PBRM1: variants seen among roughly 807,000 people sequenced by gnomAD.
The protein encoded by PBRM1 is polybromo 1, also known as protein polybromo-1.
Under a neutral mutation model 194.5 loss-of-function variants are expected in PBRM1, and 27 were observed. That is an observed-to-expected ratio of 0.14 (90% confidence interval 0.10 to 0.19). The LOEUF is 0.19. Ranked by LOEUF, PBRM1 falls within the 10% of genes least tolerant of loss-of-function variation. The pLI, the probability that PBRM1 is intolerant of heterozygous loss-of-function variation, is 1.00. For missense variants in PBRM1, 1,466 were observed against 2,077.2 expected, an observed-to-expected ratio of 0.71 and a Z score of 5.72; for synonymous variants, 655 against 693.2, an observed-to-expected ratio of 0.94 and a Z score of 0.87.
intron 13 of PBRM1, among the ~76,000 whole-genome samples, chr3:52,626,905 CCTT>C (rs1560496641): frequency 6.6e-6 from 1 of 152,030 alleles, no homozygotes; most frequent in African/African-American, 2.4e-5. Context: ...TCAAATTTCT[CCTT>C]ACCTTTCCTA....
intron 26 of PBRM1, 126 bp downstream of exon 28, chr3:52,558,123 G>A: frequency 1.5e-6 from 1 of 672,438 alleles, no homozygotes; most frequent in Non-Finnish European, 2.4e-6. Context: ...GGACAACATG[G>A]ATGACTTCAA....
At chr3:52,669,936 G>GA (rs2096913994) in intron 2 of PBRM1, among the ~76,000 whole-genome samples, 1 of 152,158 alleles carries the variant, frequency 6.6e-6, no homozygotes, top group Non-Finnish European at 1.5e-5. Context: ...TCAGAATATT[G>GA]AGAAATCAGA....
chr3:52,613,261 G>T (rs967630156), intron 15 of PBRM1, among the ~76,000 whole-genome samples: 9 of 152,142 alleles, frequency 5.9e-5, no homozygotes, highest in African/African-American at 2.2e-4. Context: ...AAGAAAAAGG[G>T]GATAGGAAAT....
intron 13 of PBRM1, among the ~76,000 whole-genome samples, chr3:52,619,516 C>G (rs2095163547): frequency 6.6e-6 from 1 of 152,036 alleles, no homozygotes; most frequent in Non-Finnish European, 1.5e-5. Flanking sequence ...TTTTTTCTAT[C>G]CATAGTTGGT....
At chr3:52,551,420 A>G (rs1411422541) in intron 27 of PBRM1, among the ~76,000 whole-genome samples, 3 of 152,220 alleles carry the variant, frequency 2.0e-5, no homozygotes, top group Non-Finnish European at 4.4e-5. Context: ...AATCATCTGA[A>G]GTGAAGTAAC....
At chr3:52,618,273 G>C (rs1368260966) in intron 13 of PBRM1, among the ~76,000 whole-genome samples, 2 of 152,198 alleles carry the variant, frequency 1.3e-5, no homozygotes, top group Non-Finnish European at 1.5e-5. Context: ...CTGAGAAGCT[G>C]ATTTAAGCAG....
At chr3:52,646,162 A>G (rs1355653981) in intron 7 of PBRM1, among the ~76,000 whole-genome samples, 2 of 152,218 alleles carry the variant, frequency 1.3e-5, no homozygotes, top group Non-Finnish European at 2.9e-5. Flanking sequence ...GAATACAAGG[A>G]CTTCATAGTT....
chr3:52,639,140 A>G (rs2095962328), intron 10 of PBRM1, among the ~76,000 whole-genome samples: 1 of 151,738 alleles, frequency 6.6e-6, no homozygotes, highest in African/African-American at 2.4e-5. Flanking sequence ...ATGTGCCACT[A>G]TATGTATTTA....
At chr3:52,648,843 G>T (rs1405422668) in intron 6 of PBRM1, among the ~76,000 whole-genome samples, 1 of 152,158 alleles carries the variant, frequency 6.6e-6, no homozygotes, top group Non-Finnish European at 1.5e-5. Context: ...TGAACCACTT[G>T]GGGTAAAATA....
At chr3:52,593,710 T>C (rs1274723152) in intron 17 of PBRM1, among the ~76,000 whole-genome samples, 3 of 152,182 alleles carry the variant, frequency 2.0e-5, no homozygotes, top group Non-Finnish European at 2.9e-5. Context: ...CAGGAGTAGG[T>C]TGGTTAATTT....
chr3:52,644,478 G>A lies in PBRM1; in HGVS notation c.899+226C>T, dbSNP rs13086297. The stretch of plus-strand genomic sequence containing the variant: ...CAGCTCACTGTAACCTCTGCCTCCC[G>A]GGTTCAAGCAATTCTCCTGCCTCAG... On this transcript the variant is annotated intron_variant, in intron 8 of 29. Transcript: ENST00000296302. Among the ~76,000 whole-genome samples the A allele has an allele frequency of 0.34, 51,969 of 151,756 alleles. 9,900 individuals carry two copies. The highest frequency in any genetic ancestry group is 0.46 in the Admixed American group (7,049 of 15,248).
exon 18 of PBRM1, chr3:52,589,116 T>C (rs2092757085): frequency 5.0e-6 from 8 of 1,613,756 alleles, no homozygotes; most frequent in Non-Finnish European, 5.1e-6. Context: ...TATGTGGTTG[T>C]AGGTTGGCCT....
At chr3:52,631,984 T>G (rs1419338436) in intron 11 of PBRM1, among the ~76,000 whole-genome samples, 1 of 152,216 alleles carries the variant, frequency 6.6e-6, no homozygotes, top group African/African-American at 2.4e-5. Context: ...TTAAAGATAT[T>G]TATTCTTTTG....
intron 20 of PBRM1, among the ~76,000 whole-genome samples, chr3:52,581,007 C>T (rs911186994): frequency 6.6e-6 from 1 of 152,318 alleles, no homozygotes; most frequent in East Asian, 1.9e-4. Flanking sequence ...ATAATCGGCA[C>T]AAGGCTAGAT....
intron 17 of PBRM1, among the ~76,000 whole-genome samples, chr3:52,603,320 A>T (rs1278944602): frequency 6.6e-6 from 1 of 152,244 alleles, no homozygotes; most frequent in African/African-American, 2.4e-5. Context: ...CAGCTGTGTC[A>T]CAGGTAACTT....
rs758136673 is a variant in PBRM1, at chr3:52,550,727, A to G, written c.4680+20T>C. 1 of 1,604,176 alleles carries G rather than the reference A, an allele frequency of 6.2e-7. No individual in the cohort carries two copies. Among genetic ancestry groups the G allele is most frequent in the South Asian group, 1.1e-5 (1 of 90,592 alleles). ...ACTCGAATTCTGTCAAGTCCTAGAA[A>G]ATCAAACTGGGAGGCTCACCTGTTG... On this transcript the variant is annotated intron_variant, in intron 28 of 29. Coordinates refer to ENST00000296302, the Ensembl canonical transcript of PBRM1.
intron 2 of PBRM1, among the ~76,000 whole-genome samples, chr3:52,669,232 T>G (rs2096900923): frequency 1.5e-5 from 2 of 132,364 alleles, no homozygotes; most frequent in African/African-American, 5.1e-5. Flanking sequence ...ACAACCAAAC[T>G]CTTCGGAAAA....
At chr3:52,605,781 T>C (rs537760050) in intron 16 of PBRM1, among the ~76,000 whole-genome samples, 1 of 152,014 alleles carries the variant, frequency 6.6e-6, no homozygotes, top group South Asian at 2.1e-4. Flanking sequence ...TTTTGTACTT[T>C]TAGTAGAAAC....
intron 10 of PBRM1, among the ~76,000 whole-genome samples, chr3:52,638,727 A>G (rs1476246641): frequency 1.3e-5 from 2 of 151,614 alleles, no homozygotes; most frequent in African/African-American, 2.4e-5. Context: ...CCAAGTAGGT[A>G]GGACTACAGA....
Sources: gnomAD v4.1 joint callset for allele counts (sites outside exome capture counted in the v4.1 genomes callset) on GRCh38, gnomAD v4.1.1 for gene constraint, MANE v1.5 for transcripts, NCBI Gene and HGNC (gene_info 2026-07-23, HGNC 2026-07-21) for gene names.